Variants in MAP3K7 observed in about 807,000 individuals in gnomAD.
MAP3K7 encodes mitogen-activated protein kinase kinase kinase 7.
A neutral mutation model predicts 84.8 loss-of-function variants in MAP3K7; 21 were observed. The observed-to-expected ratio is 0.25, with a 90% CI of 0.18 to 0.36. The LOEUF is 0.36. Among genes scored for constraint, MAP3K7 ranks in the 10% least tolerant of loss-of-function variants. MAP3K7 has a pLI of 1.00. For missense variants in MAP3K7, 503 were observed against 747.7 expected (o/e 0.67, Z 3.82); for synonymous variants, 241 against 247.7 (o/e 0.97, Z 0.25).
intron 4 of MAP3K7, 105 bp from the exon 5 acceptor site, chr6:90,560,319 T>C (rs1213313324): frequency 8.9e-7 from 1 of 1,127,358 alleles, no homozygotes; most frequent in African/African-American, 1.6e-5. Flanking sequence ...TTTTTCTACA[T>C]ATACATATGC....
chr6:90,554,445 A>G (rs1178408641), intron 6 of MAP3K7, among the ~76,000 whole-genome samples: 1 of 152,236 alleles, frequency 6.6e-6, no homozygotes, highest in African/African-American at 2.4e-5. Flanking sequence ...AGCCAGCACA[A>G]TAAGCACCCG....
chr6:90,546,118 CT>C (rs1196686588), intron 11 of MAP3K7, among the ~76,000 whole-genome samples: 2 of 152,240 alleles, frequency 1.3e-5, no homozygotes, highest in Non-Finnish European at 2.9e-5. Flanking sequence ...AAAAATAATG[CT>C]TATGTGTTAT....
chr6:90,585,218 C>T (rs1777405712), intron 1 of MAP3K7, among the ~76,000 whole-genome samples: 1 of 152,318 alleles, frequency 6.6e-6, no homozygotes, highest in African/African-American at 2.4e-5. Flanking sequence ...ATATCTGATA[C>T]ACTGAACTTT....
At chr6:90,543,740 G>C (rs1381031941) in intron 12 of MAP3K7, among the ~76,000 whole-genome samples, 1 of 151,850 alleles carries the variant, frequency 6.6e-6, no homozygotes, top group Non-Finnish European at 1.5e-5. Context: ...TGGGTAAAGA[G>C]GTAGAGAAAA....
Position 90,550,543 on chromosome 6 carries a change from G to C in MAP3K7, c.874C>G (p.Pro292Ala), listed in dbSNP as rs781446047. ...KIMTHLMRYFPGADEPLQYPC... is the reference protein window; with the variant it reads ...KIMTHLMRYFAGADEPLQYPC... ...TACTGTAATGGCTCATCTGCTCCTG[G>C]AAAGTACTATATATAAAAAAGTAAA... The change falls in exon 9 of 17, where the codon CCA becomes GCA. Residue 292 changes from proline (P) to alanine (A), a missense_variant. Pro to Ala is a conservative substitution (Grantham distance 27). Around this residue, in one of 5 missense-constraint regions of MAP3K7, gnomAD observed 286 missense variants for 313.6 expected, o/e 0.91. Coordinates refer to ENST00000369329, the MANE Select transcript of MAP3K7 (RefSeq NM_145331.3). 6.2e-7 allele frequency: 1 copy of C among 1,603,064 alleles called. No homozygotes were observed. Among genetic ancestry groups the C allele is most frequent in the Non-Finnish European group, 8.5e-7 (1 of 1,171,752 alleles).
At chr6:90,576,419 TCACACACACACACACACACACACACA>T (rs11468988) in intron 1 of MAP3K7, among the ~76,000 whole-genome samples, 13 of 136,876 alleles carry the variant, frequency 9.5e-5, no homozygotes, top group African/African-American at 3.6e-4. Flanking sequence ...CTAGACTCTG[TCACACACACACACACACACACACACA>T]CACACACACA....
At chr6:90,547,419 G>A in intron 10 of MAP3K7, 32 bp from the exon 11 acceptor site, 1 of 1,600,520 alleles carries the variant, frequency 6.2e-7, no homozygotes, top group South Asian at 1.1e-5. Flanking sequence ...CTGAATTACT[G>A]AAGTTCTTTA....
At chr6:90,571,672 C>T in intron 2 of MAP3K7, 25 bp downstream of exon 2, 1 of 1,423,526 alleles carries the variant, frequency 7.0e-7, no homozygotes, top group Non-Finnish European at 9.7e-7. Context: ...CAGAACTACA[C>T]AAAAGAAATG....
At chr6:90,582,785 T>C (rs1364495162) in intron 1 of MAP3K7, among the ~76,000 whole-genome samples, 1 of 152,170 alleles carries the variant, frequency 6.6e-6, no homozygotes, top group Admixed American at 6.5e-5. Flanking sequence ...AGTTTTAAAT[T>C]TGTGGTCTAT....
intron 3 of MAP3K7, among the ~76,000 whole-genome samples, 175 bp from the exon 4 acceptor site, chr6:90,561,842 A>T (rs1328538145): frequency 1.3e-5 from 2 of 152,178 alleles, no homozygotes; most frequent in Admixed American, 1.3e-4. Context: ...TAAGACTAAG[A>T]CTGTCTTCTA....
At chr6:90,529,495 A>G (rs1775430295) in intron 13 of MAP3K7, among the ~76,000 whole-genome samples, 1 of 152,162 alleles carries the variant, frequency 6.6e-6, no homozygotes, top group Non-Finnish European at 1.5e-5. Flanking sequence ...AATGAGAAAA[A>G]GTAGTAGCAG....
intron 1 of MAP3K7, among the ~76,000 whole-genome samples, chr6:90,579,635 A>C (rs16883223): frequency 0.051 from 7,833 of 152,254 alleles, 321 homozygotes; most frequent in African/African-American, 0.11. Context: ...TGTATATTGT[A>C]GTTTACTTGA....
chr6:90,573,423 A>C (rs1776971177), intron 1 of MAP3K7, among the ~76,000 whole-genome samples: 1 of 152,206 alleles, frequency 6.6e-6, no homozygotes, highest in Non-Finnish European at 1.5e-5. Context: ...CATTAATAAT[A>C]ATAATATTAG....
intron 11 of MAP3K7, among the ~76,000 whole-genome samples, chr6:90,544,923 T>G (rs1216902367): frequency 6.6e-6 from 1 of 151,982 alleles, no homozygotes; most frequent in African/African-American, 2.4e-5. Flanking sequence ...TTCAAATATA[T>G]TCATAGAAAC....
intron 3 of MAP3K7, among the ~76,000 whole-genome samples, chr6:90,567,781 C>T (rs1162632457): frequency 6.6e-6 from 1 of 152,286 alleles, no homozygotes; most frequent in East Asian, 1.9e-4. Context: ...TACTGTGGCA[C>T]TATTCACAAT....
At chr6:90,569,096 T>C (rs190465945) in intron 2 of MAP3K7, among the ~76,000 whole-genome samples, 2 of 152,168 alleles carry the variant, frequency 1.3e-5, no homozygotes, top group East Asian at 1.9e-4. Context: ...TTTATAGATA[T>C]TGTATAATTA....
At chr6:90,548,256 C>A in intron 9 of MAP3K7, 79 bp from the exon 10 acceptor site, 1 of 1,176,920 alleles carries the variant, frequency 8.5e-7, no homozygotes, top group Non-Finnish European at 1.2e-6. Context: ...AACTTACATT[C>A]TTTTATAAAC....
At chr6:90,538,868 T>A (rs1775762174) in intron 12 of MAP3K7, among the ~76,000 whole-genome samples, 1 of 152,040 alleles carries the variant, frequency 6.6e-6, no homozygotes, top group South Asian at 2.1e-4. Flanking sequence ...ATAGTTTTCC[T>A]TGACTTACAC....
At position 90,556,487 on chromosome 6, in the gene MAP3K7, T is replaced by C. The variant is rs557828338; in HGVS notation, c.607+13A>G. The C allele has an allele frequency of 1.9e-6, 3 of 1,608,742 alleles. No individual in the cohort carries two copies. The highest frequency in any genetic ancestry group is 2.2e-5 in the South Asian group (2 of 89,458). ...GGGAGATTATCAAACATACCATACT[T>C]TTGCCATTTTACCTTCAAAAACTTC... On this transcript the variant is annotated intron_variant, in intron 6 of 16. Transcript: ENST00000369329.
Sources: gnomAD v4.1 joint callset for allele counts (sites outside exome capture counted in the v4.1 genomes callset) on GRCh38, gnomAD v4.1.1 for gene constraint, gnomAD v4.1.1 regional missense constraint, MANE v1.5 for transcripts, NCBI Gene and HGNC (gene_info 2026-07-23, HGNC 2026-07-21) for gene names.